The following PARG variants were observed in gnomAD, a reference collection of about 807,000 sequenced individuals.
The protein encoded by PARG is poly(ADP-ribose) glycohydrolase.
A neutral mutation model predicts 113.0 loss-of-function variants in PARG; 35 were observed. The observed-to-expected ratio is 0.31, with a 90% CI of 0.24 to 0.41. The LOEUF is 0.41. PARG is among the 10% of genes least tolerant of loss of function. PARG has a pLI of 1.00. For synonymous variants in PARG, 330 were observed against 409.9 expected (o/e 0.81, Z 2.36); for missense variants, 797 against 1,169.4 (o/e 0.68, Z 4.64).
intron 16 of PARG, among the ~76,000 whole-genome samples, chr10:49,822,981 T>C (rs1554828923): frequency 6.6e-6 from 1 of 152,202 alleles, no homozygotes; most frequent in Non-Finnish European, 1.5e-5. Flanking sequence ...CTAAATGCAG[T>C]AGCTGACCCT....
intron 7 of PARG, among the ~76,000 whole-genome samples, chr10:49,893,015 T>A (rs1847886789): frequency 1.3e-5 from 2 of 152,258 alleles, no homozygotes; most frequent in African/African-American, 4.8e-5. Flanking sequence ...AGGTTTTGGC[T>A]ATTATAAGTA....
intron 1 of PARG, 130 bp from the exon 2 acceptor site, chr10:49,935,272 A>G (rs1838692396): frequency 1.7e-6 from 1 of 583,380 alleles, no homozygotes; most frequent in African/African-American, 1.9e-5. Flanking sequence ...TTTGCCCTCA[A>G]GTATATGGGT....
At chr10:49,937,351 C>T (rs1312962418) in intron 1 of PARG, among the ~76,000 whole-genome samples, 11 of 152,046 alleles carry the variant, frequency 7.2e-5, no homozygotes, top group Non-Finnish European at 1.5e-4. Flanking sequence ...TGGCGGGCGC[C>T]TGTAGTCCCA....
intron 7 of PARG, among the ~76,000 whole-genome samples, chr10:49,894,757 T>C (rs1387277395): frequency 6.6e-6 from 1 of 152,246 alleles, no homozygotes; most frequent in African/African-American, 2.4e-5. Context: ...CAGTATCATA[T>C]TGTATTCATT....
chr10:49,862,086 C>CGT (rs35142553), intron 11 of PARG, among the ~76,000 whole-genome samples: 37,713 of 142,656 alleles, frequency 0.26, 5,003 homozygotes, highest in Non-Finnish European at 0.31. Flanking sequence ...GTTTCATAAC[C>CGT]GTGTGTGTGT....
intron 7 of PARG, among the ~76,000 whole-genome samples, chr10:49,896,331 C>G (rs1554842732): frequency 6.6e-6 from 1 of 152,154 alleles, no homozygotes; most frequent in East Asian, 1.9e-4. Context: ...GTCAACTAGG[C>G]TGGAGTGCAG....
chr10:49,826,080 G>A (rs1844344634), intron 16 of PARG, among the ~76,000 whole-genome samples: 1 of 152,168 alleles, frequency 6.6e-6, no homozygotes, highest in African/African-American at 2.4e-5. Flanking sequence ...AAATTTTGGA[G>A]CATTTTGAAT....
chr10:49,819,466 G>A lies in PARG; in HGVS notation c.2805C>T (p.Tyr935=). 6.4e-7 allele frequency: 1 copy of A among 1,551,260 alleles called. No individual in the cohort carries two copies. The highest frequency in any genetic ancestry group is 8.7e-7 in the Non-Finnish European group (1 of 1,146,600). ...VGDVYKLLLR[Y]YNEECRNCST... ...AACAGTTTCTGCATTCTTCATTGTA[G>A]TATCGTAGCAACAGCTTATACACAT... Residue 935 remains tyrosine, a synonymous_variant, in exon 18 of 18, where the codon TAC becomes TAT. Coordinates refer to ENST00000616448, the MANE Select transcript of PARG (RefSeq NM_003631.5).
chr10:49,869,798 T>C (rs1554837578), intron 9 of PARG, among the ~76,000 whole-genome samples: 1 of 151,370 alleles, frequency 6.6e-6, no homozygotes. Context: ...CAACCACATT[T>C]CTCCAACCTA....
chr10:49,927,060 G>C (rs1327693317), intron 4 of PARG, among the ~76,000 whole-genome samples: 2 of 152,072 alleles, frequency 1.3e-5, no homozygotes, highest in African/African-American at 4.8e-5. Flanking sequence ...TGTAATCCCA[G>C]CACTTTGGGA....
In PARG at chr10:49,927,658, G is replaced by A. The variant is rs539092110; in HGVS notation, c.1455+4442C>T. On this transcript the variant is annotated intron_variant, in intron 4 of 17. Transcript: ENST00000616448. ...AGCCAAAGGATGAGTATATTCCAAG[G>A]AGAAAAGAAATGTCTATGGAGTCAA... Among the ~76,000 whole-genome samples the A allele has an allele frequency of 7.7e-4, 117 of 152,134 alleles. 1 individual carries two copies. Among genetic ancestry groups the A allele is most frequent in the Non-Finnish European group, 1.6e-4 (11 of 67,978 alleles).
chr10:49,831,993 G>C (rs920777841), intron 16 of PARG, among the ~76,000 whole-genome samples: 1 of 152,208 alleles, frequency 6.6e-6, no homozygotes, highest in African/African-American at 2.4e-5. Context: ...ATTACTCCAG[G>C]TAGTCAGTGT....
At chr10:49,861,995 G>A (rs767726433) in intron 11 of PARG, among the ~76,000 whole-genome samples, 1 of 151,692 alleles carries the variant, frequency 6.6e-6, no homozygotes, top group Non-Finnish European at 1.5e-5. Context: ...GCTAGAGTTG[G>A]CAATCTGAGG....
At chr10:49,876,952 A>G (rs1230418988) in intron 9 of PARG, among the ~76,000 whole-genome samples, 2 of 151,562 alleles carry the variant, frequency 1.3e-5, no homozygotes, top group Non-Finnish European at 2.9e-5. Flanking sequence ...AAAAAAAAAA[A>G]CTATCCTGTT....
chr10:49,857,287 C>G lies in PARG; in HGVS notation c.2353+19G>C. On this transcript the variant is annotated intron_variant, in intron 13 of 17. Coordinates refer to ENST00000616448, the MANE Select transcript of PARG (RefSeq NM_003631.5). The stretch of plus-strand genomic sequence containing the variant: ...AGATGGGGAAGACTACCCCATTTTC[C>G]AGGCTTCCCAAAACTAACCTGTGAT... 1.1e-6 allele frequency: 1 copy of G among 921,346 alleles called. No individual in the cohort carries two copies. Among genetic ancestry groups the G allele is most frequent in the Non-Finnish European group, 1.7e-6 (1 of 577,262 alleles). The allele number at this position is 921,346 out of a possible 1,614,324, so 57.1% of individuals were successfully genotyped here.
chr10:49,840,158 G>C (rs569800442), intron 15 of PARG, among the ~76,000 whole-genome samples: 1 of 152,254 alleles, frequency 6.6e-6, no homozygotes, highest in Non-Finnish European at 1.5e-5. Flanking sequence ...GGAGGCCGAC[G>C]GGGAGGAGAT....
At chr10:49,874,829 G>C (rs1369520949) in intron 9 of PARG, among the ~76,000 whole-genome samples, 1 of 140,820 alleles carries the variant, frequency 7.1e-6, no homozygotes, top group Non-Finnish European at 1.6e-5. Flanking sequence ...ACTCCAGCCT[G>C]GTCGACAGAG....
At chr10:49,858,331 T>TCACACA (rs3048417) in intron 12 of PARG, among the ~76,000 whole-genome samples, 6,184 of 144,952 alleles carry the variant, frequency 0.043, 161 homozygotes, top group East Asian at 0.056. Context: ...AGGAGTTAGA[T>TCACACA]CACACACACA....
At chr10:49,904,334 C>T (rs1401209934) in intron 7 of PARG, among the ~76,000 whole-genome samples, 1 of 151,066 alleles carries the variant, frequency 6.6e-6, no homozygotes, top group Non-Finnish European at 1.5e-5. Flanking sequence ...AAAAGATTTG[C>T]ATATAACCTG....
Sources: gnomAD v4.1 joint callset for allele counts (sites outside exome capture counted in the v4.1 genomes callset) on GRCh38, gnomAD v4.1.1 for gene constraint, MANE v1.5 for transcripts, NCBI Gene and HGNC (gene_info 2026-07-23, HGNC 2026-07-21) for gene names.